The following SMTNL1 variants were observed in gnomAD, a reference collection of about 807,000 sequenced individuals.
SMTNL1 encodes the protein smoothelin like 1.
SMTNL1 carries 41 observed loss-of-function variants against 46.6 expected under a neutral mutation model. That is an observed-to-expected ratio of 0.88 (90% CI 0.69 to 1.14). The LOEUF (loss-of-function observed/expected upper bound fraction) is 1.14. SMTNL1 is among the 50% of genes most tolerant of loss of function. The pLI, the probability that SMTNL1 is intolerant of heterozygous loss-of-function variation, is 0.00. For missense variants in SMTNL1, 591 were observed against 626.1 expected (o/e 0.94, Z 0.60); for synonymous variants, 234 against 234.2 (o/e 1.00, Z 0.01).
At chr11:57,547,992 C>T (rs958931882) in intron 7 of SMTNL1, among the ~76,000 whole-genome samples, 3 of 152,188 alleles carry the variant, frequency 2.0e-5, no homozygotes, top group African/African-American at 4.8e-5. Flanking sequence ...GACAGGCCCC[C>T]GGGGTTGTGT....
At position 57,546,007 on chromosome 11, in the gene SMTNL1, C is replaced by T; in HGVS notation, c.1044C>T (p.Asn348=). 1 of 1,598,168 alleles carries T rather than the reference C, an allele frequency of 6.3e-7. No homozygotes were observed. The highest frequency in any genetic ancestry group is 8.5e-7 in the Non-Finnish European group (1 of 1,173,036). The part of the protein sequence containing the change: ...PARPRGPRAQ[N]RKAIVDKFGG... ...GGCCCCGGGGGCCCCGGGCACAGAA[C>T]CGCAAAGCCATCGTGGACAAGTTTG... The change falls in exon 5 of 8, where the codon AAC becomes AAT. Residue 348 remains asparagine (N), a synonymous_variant. Transcript: ENST00000527972.
chr11:57,546,665 C>T lies in SMTNL1; in HGVS notation c.1340+13C>T. ...TCTCCACAGCAGAGTAAGCCACAGC[C>T]ATGGGCTGGCAGAGCTGGATGGGAG... On this transcript the variant is annotated intron_variant, in intron 7 of 7. Transcript: ENST00000527972. 6.2e-7 allele frequency: 1 copy of T among 1,610,778 alleles called. No homozygotes were observed. Among genetic ancestry groups the T allele is most frequent in the Non-Finnish European group, 8.5e-7 (1 of 1,178,498 alleles).
intron 5 of SMTNL1, 35 bp downstream of exon 5, chr11:57,546,071 C>T: frequency 1.9e-6 from 3 of 1,540,900 alleles, no homozygotes; most frequent in Non-Finnish European, 2.6e-6. Context: ...CTGGGCTTTC[C>T]CATAGGAACC....
intron 1 of SMTNL1, chr11:57,541,375 TAC>T (rs1242911335): frequency 1.7e-6 from 1 of 580,236 alleles, no homozygotes; most frequent in African/African-American, 2.0e-5. Context: ...TCTTTGTAAC[TAC>T]ACCCCCCAAA....
At chr11:57,540,108 G>C (rs1315991466) in intron 1 of SMTNL1, among the ~76,000 whole-genome samples, 1 of 151,650 alleles carries the variant, frequency 6.6e-6, no homozygotes, top group African/African-American at 2.4e-5. Flanking sequence ...GAAAACAAAG[G>C]GAGGAAAAAA....
Position 57,546,325 on chromosome 11 carries a change from G to T in SMTNL1, c.1166G>T (p.Arg389Leu), listed in dbSNP as rs377159051. Reference sequence around the variant, plus strand: ...AAGAACATGCTCTTGGAGTGGTGCCGAGCCATGACAAAAAAATACGAGGTG... The same window carrying T: ...AAGAACATGCTCTTGGAGTGGTGCCTAGCCATGACAAAAAAATACGAGGTG... The part of the protein sequence containing the change: ...GVKNMLLEWC[R>L]AMTKKYEHVD... The change falls in exon 6 of 8, where the codon CGA (arginine) becomes CTA (leucine). Residue 389 changes from arginine (R) to leucine (L), a missense_variant. By Grantham distance (102) the Arg-to-Leu change is moderately radical (BLOSUM62 -2). Transcript: ENST00000527972. The T allele has an allele frequency of 2.5e-6, 4 of 1,608,728 alleles. No homozygotes were observed. The highest frequency in any genetic ancestry group is 1.7e-5 in the Admixed American group (1 of 59,244).
intron 5 of SMTNL1, 36 bp downstream of exon 5, chr11:57,546,072 C>T: frequency 6.5e-7 from 1 of 1,540,990 alleles, no homozygotes; most frequent in Non-Finnish European, 8.7e-7. Context: ...TGGGCTTTCC[C>T]ATAGGAACCC....
chr11:57,546,470 T>C, intron 6 of SMTNL1, 31 bp from the exon 7 acceptor site: 1 of 1,613,098 alleles, frequency 6.2e-7, no homozygotes. Flanking sequence ...TGAGCCTCAC[T>C]GAGGCCTCCT....
Position 57,542,729 on chromosome 11 carries a change from C to T in SMTNL1, c.87C>T (p.Ala29=), listed in dbSNP as rs1944889043. Residue 29 remains alanine (A), a synonymous_variant, in exon 2 of 8, where the codon GCC becomes GCT. Coordinates refer to ENST00000527972, the MANE Select transcript of SMTNL1 (RefSeq NM_001105565.3). ...ADNPEMSGGG[A]PAEETKGTAG... ...ACCCTGAGATGTCAGGAGGTGGAGCCCCTGCAGAGGAGACCAAAGGCACAG... is the reference window on the plus strand; with the variant it reads ...ACCCTGAGATGTCAGGAGGTGGAGCTCCTGCAGAGGAGACCAAAGGCACAG... 6.2e-7 allele frequency: 1 copy of T among 1,613,918 alleles called. No homozygotes were observed. Among genetic ancestry groups the T allele is most frequent in the Non-Finnish European group, 8.5e-7 (1 of 1,179,860 alleles).
At chr11:57,548,660 AC>A (rs1054604761) in intron 7 of SMTNL1, among the ~76,000 whole-genome samples, 2 of 152,034 alleles carry the variant, frequency 1.3e-5, no homozygotes, top group African/African-American at 4.8e-5. Flanking sequence ...ACAGAGCAAG[AC>A]TCCATCTCAA....
chr11:57,540,821 C>G (rs1944869025), intron 1 of SMTNL1, among the ~76,000 whole-genome samples: 1 of 152,010 alleles, frequency 6.6e-6, no homozygotes, highest in Non-Finnish European at 1.5e-5. Context: ...AGCAATTCTC[C>G]TGCCTCAGCC....
intron 4 of SMTNL1, among the ~76,000 whole-genome samples, chr11:57,544,475 G>A (rs1449873863): frequency 6.6e-6 from 1 of 152,250 alleles, no homozygotes; most frequent in East Asian, 1.9e-4. Context: ...AGTCTGCCCT[G>A]TGGCATCCCT....
chr11:57,543,267 G>C lies in SMTNL1; in HGVS notation c.625G>C (p.Asp209His). 1.9e-6 allele frequency: 3 copies of C among 1,613,958 alleles called. No individual in the cohort carries two copies. Among genetic ancestry groups the C allele is most frequent in the Non-Finnish European group, 2.5e-6 (3 of 1,179,876 alleles). ...KAESQKAVVE[D>H]EAKAEPKEPD... ...TGAATCGCAGAAGGCTGTTGTGGAGGATGAGGCTAAGGCTGAACCCAAGGA... is the reference window on the plus strand; with the variant it reads ...TGAATCGCAGAAGGCTGTTGTGGAGCATGAGGCTAAGGCTGAACCCAAGGA... Residue 209 changes from aspartate (D) to histidine (H), a missense_variant, in exon 2 of 8, where the codon GAT (aspartate) becomes CAT (histidine). Transcript: ENST00000527972.
intron 1 of SMTNL1, among the ~76,000 whole-genome samples, chr11:57,537,985 A>G (rs1944842289): frequency 6.6e-6 from 1 of 152,076 alleles, no homozygotes; most frequent in African/African-American, 2.4e-5. Context: ...ATGGCTTTGA[A>G]TGTAGCCCAA....
intron 4 of SMTNL1, 130 bp downstream of exon 4, chr11:57,544,050 C>A: frequency 2.0e-6 from 2 of 997,952 alleles, no homozygotes; most frequent in Non-Finnish European, 3.0e-6. Context: ...TGGCATTCAG[C>A]TTCCTATCCC....
At chr11:57,549,756 C>T (rs959261559) in intron 7 of SMTNL1, among the ~76,000 whole-genome samples, 3 of 152,194 alleles carry the variant, frequency 2.0e-5, no homozygotes, top group African/African-American at 7.2e-5. Context: ...AAGGAAGCCA[C>T]AGCACCTGGC....
At chr11:57,545,605 C>CAAAA (rs67336706) in intron 4 of SMTNL1, among the ~76,000 whole-genome samples, 1 of 140,728 alleles carries the variant, frequency 7.1e-6, no homozygotes, top group East Asian at 2.1e-4. Flanking sequence ...AGCTCTGTCT[C>CAAAA]AAAAAAAAAA....
Position 57,543,857 on chromosome 11 carries a change from A to T in SMTNL1, c.866-12A>T. 6.3e-7 allele frequency: 1 copy of T among 1,588,278 alleles called. No individual in the cohort carries two copies. Among genetic ancestry groups the T allele is most frequent in the Non-Finnish European group, 8.6e-7 (1 of 1,167,122 alleles). ...AGCCCCAGCTTCCCTCCCTCCTTTC[A>T]CTTTCCTCCAGATGGGCTGGGTCCA... is the stretch of plus-strand genomic sequence containing the variant. On this transcript the variant is annotated splice_polypyrimidine_tract_variant and intron_variant, in intron 3 of 7. Coordinates refer to ENST00000527972, the MANE Select transcript of SMTNL1 (RefSeq NM_001105565.3).
rs769395437 is a variant in SMTNL1, at chr11:57,546,318, T to A, written c.1159T>A (p.Trp387Arg). Residue 387 changes from tryptophan (W) to arginine (R), a missense_variant, in exon 6 of 8, where the codon TGG becomes AGG. Trp to Arg is a moderately radical substitution (Grantham distance 101). Coordinates refer to ENST00000527972, the MANE Select transcript of SMTNL1 (RefSeq NM_001105565.3). Reference protein sequence around the residue: ...IGGVKNMLLEWCRAMTKKYEH... With the variant: ...IGGVKNMLLERCRAMTKKYEH... ...TGGTGTCAAGAACATGCTCTTGGAGTGGTGCCGAGCCATGACAAAAAAATA... is the reference window on the plus strand; with the variant it reads ...TGGTGTCAAGAACATGCTCTTGGAGAGGTGCCGAGCCATGACAAAAAAATA... 21 of 1,607,102 alleles carry A rather than the reference T, an allele frequency of 1.3e-5. No homozygotes were observed. In the African/African-American group the frequency reaches 2.7e-4, roughly 21 times the overall value.
Sources: gnomAD v4.1 joint callset for allele counts (sites outside exome capture counted in the v4.1 genomes callset) on GRCh38, gnomAD v4.1.1 for gene constraint, MANE v1.5 for transcripts, NCBI Gene and HGNC (gene_info 2026-07-23, HGNC 2026-07-21) for gene names.